COX7A1: variants seen among roughly 807,000 people sequenced by gnomAD.
COX7A1 encodes the protein cytochrome c oxidase subunit 7A1.
A neutral mutation model predicts 13.2 loss-of-function variants in COX7A1; 21 were observed. The ratio of observed to expected loss-of-function variants is 1.59; its 90% confidence interval spans 1.13 to 2.29. The LOEUF is 2.29. COX7A1 is among the 30% of genes most tolerant of loss of function. The pLI is 0.00. For missense variants in COX7A1, 107 were observed against 100.0 expected (o/e 1.07, Z -0.30); for synonymous variants, 41 against 41.9 (o/e 0.98, Z 0.08).
chr19:36,152,239 G>A (rs1974784775), intron 1 of COX7A1, among the ~76,000 whole-genome samples, 154 bp downstream of exon 1: 1 of 152,168 alleles, frequency 6.6e-6, no homozygotes, highest in South Asian at 2.1e-4. Context: ...AGAGTGGATT[G>A]TGGGGGAAGG....
chr19:36,151,645 T>TCCCCCCCGGCCCCCCCC, intron 2 of COX7A1, 24 bp downstream of exon 2: 1 of 1,387,630 alleles, frequency 7.2e-7, no homozygotes, highest in Non-Finnish European at 9.9e-7. Flanking sequence ...GCGCGTCGGA[T>TCCCCCCCGGCCCCCCCC]CCCCACCCCC....
At chr19:36,152,359 TG>T in intron 1 of COX7A1, 33 bp downstream of exon 1, 6 of 1,270,870 alleles carry the variant, frequency 4.7e-6, no homozygotes, top group Non-Finnish European at 6.0e-6. Flanking sequence ...GTTTTCTGGG[TG>T]GGGGGCTCCG....
At chr19:36,151,804 C>T (rs1974777490) in intron 1 of COX7A1, 49 bp from the exon 2 acceptor site, 1 of 1,482,426 alleles carries the variant, frequency 6.7e-7, no homozygotes, top group African/African-American at 1.4e-5. Context: ...GAGGGGTGTC[C>T]TGAAGTGGGA....
chr19:36,152,267 G>A (rs1373918205), intron 1 of COX7A1, 126 bp downstream of exon 1: 2 of 641,918 alleles, frequency 3.1e-6, no homozygotes, highest in Non-Finnish European at 4.8e-6. Context: ...GCTGTTTAGC[G>A]GGGAGTCCCA....
intron 2 of COX7A1, 24 bp downstream of exon 2, chr19:36,151,645 T>TCGCC: frequency 4.3e-6 from 6 of 1,387,624 alleles, no homozygotes; most frequent in Non-Finnish European, 5.9e-6. Context: ...GCGCGTCGGA[T>TCGCC]CCCCACCCCC....
chr19:36,151,066 G>C (rs949807693), intron 3 of COX7A1, 32 bp from the exon 4 acceptor site: 1 of 1,605,080 alleles, frequency 6.2e-7, no homozygotes, highest in African/African-American at 1.3e-5. Flanking sequence ...GACAGAATGA[G>C]ACCTAATCCC....
intron 3 of COX7A1, among the ~76,000 whole-genome samples, 189 bp downstream of exon 3, chr19:36,151,273 G>A (rs1421955652): frequency 1.3e-5 from 2 of 151,766 alleles, no homozygotes; most frequent in South Asian, 2.1e-4. Context: ...CCCAGCCCCC[G>A]TCCTGGGACA....
At chr19:36,151,340 G>T (rs1196091924) in intron 3 of COX7A1, 122 bp downstream of exon 3, 78 of 1,031,908 alleles carry the variant, frequency 7.6e-5, no homozygotes, top group Non-Finnish European at 1.1e-4. Context: ...CTCAGTACTC[G>T]ACCCCCTTCC....
chr19:36,152,299 T>C, intron 1 of COX7A1, 94 bp downstream of exon 1: 1 of 956,238 alleles, frequency 1.0e-6, no homozygotes, highest in Non-Finnish European at 1.4e-6. Flanking sequence ...TGGCTCACGT[T>C]CCAAGGCCCT....
chr19:36,151,828 G>C, intron 1 of COX7A1, 73 bp from the exon 2 acceptor site: 1 of 1,311,990 alleles, frequency 7.6e-7, no homozygotes, highest in Non-Finnish European at 1.1e-6. Flanking sequence ...CGCTCTCTGA[G>C]GCCTGGACGT....
rs2285599 is a variant in COX7A1 at position 36,151,660 on chromosome 19, A to T, written c.102+9T>A. On this transcript the variant is annotated intron_variant, in intron 2 of 3. Transcript: ENST00000292907. ...GCGCGTCGGATCCCCACCCCCCCCG[A>T]CCCCCCACCTGGAAGAGCTTCTGTT... 2.5e-6 allele frequency: 3 copies of T among 1,203,896 alleles called. No individual in the cohort carries two copies. Among genetic ancestry groups the T allele is most frequent in the East Asian group, 3.1e-5 (1 of 32,196 alleles). 74.6% of individuals were successfully genotyped at this position (1,203,896 alleles called of 1,614,324 possible).
In COX7A1 at chr19:36,151,003, C is replaced by T; in HGVS notation, c.219G>A (p.Trp73Ter). 1 of 1,613,970 alleles carries T rather than the reference C, an allele frequency of 6.2e-7. No homozygotes were observed. Among genetic ancestry groups the T allele is most frequent in the Non-Finnish European group, 8.5e-7 (1 of 1,179,946 alleles). The change falls in exon 4 of 4, where the codon TGG becomes TGA. Residue 73 changes from tryptophan to a stop codon, truncating the protein, a stop_gained. Transcript: ENST00000292907. LOFTEE classifies it high-confidence loss of function. ...GGTCTTAATTCCTGGGGAAGGAGGCCCAGCCAAGGGAGTACAAGCTGTAGA... is the reference window on the plus strand; with the variant it reads ...GGTCTTAATTCCTGGGGAAGGAGGCTCAGCCAAGGGAGTACAAGCTGTAGA... The part of the protein sequence containing the change: ...GTVYSLYSLG[W>*]ASFPRN
Position 36,152,443 on chromosome 19 carries a change from TCTC to T in COX7A1, c.-39_-37del. The T allele has an allele frequency of 7.5e-7, 1 of 1,329,000 alleles. No homozygotes were observed. Among genetic ancestry groups the T allele is most frequent in the South Asian group, 2.3e-5 (1 of 42,592 alleles). The allele number at this position is 1,329,000 out of a possible 1,614,324, so 82.3% of individuals were successfully genotyped here. A position where few individuals can be genotyped will look rare whatever the true frequency, so the allele number is the denominator to read the frequency against. ...CCTCTTCCGCCGGAGTCACCTCCCT[TCTC>T]CGCCCAAGGACACGCGTAGTCCTCC... is the stretch of plus-strand genomic sequence containing the variant. On this transcript the variant is annotated 5_prime_UTR_variant, in exon 1 of 4. Coordinates refer to ENST00000292907, the MANE Select transcript of COX7A1 (RefSeq NM_001864.4).
At chr19:36,151,637 G>C in intron 2 of COX7A1, 32 bp downstream of exon 2, 1 of 1,599,422 alleles carries the variant, frequency 6.3e-7, no homozygotes, top group Non-Finnish European at 8.5e-7. Flanking sequence ...CCCGGCTGGC[G>C]CGTCGGATCC....
At position 36,151,697 on chromosome 19, in the gene COX7A1, C is replaced by T. The variant is rs771394071; in HGVS notation, c.74G>A (p.Arg25Gln). 4 of 1,601,480 alleles carry T rather than the reference C, an allele frequency of 2.5e-6. No individual in the cohort carries two copies. Among genetic ancestry groups the T allele is most frequent in the African/African-American group, 2.7e-5 (2 of 74,356 alleles). The change falls in exon 2 of 4, where the codon CGA becomes CAA. Residue 25 changes from arginine to glutamine, a missense_variant. Physicochemically the swap from Arg to Gln is conservative, Grantham distance 43. Coordinates refer to ENST00000292907, the MANE Select transcript of COX7A1 (RefSeq NM_001864.4). ...SSTARNRFQNRVREKQKLFQE... is the reference protein window; with the variant it reads ...SSTARNRFQNQVREKQKLFQE... The stretch of plus-strand genomic sequence containing the variant: ...GAAGAGCTTCTGTTTCTCGCGCACT[C>T]GGTTCTGAAAGCGGTTCCGGGCGGT...
chr19:36,151,856 T>A (rs1266247617), intron 1 of COX7A1, 101 bp from the exon 2 acceptor site: 5 of 1,055,992 alleles, frequency 4.7e-6, no homozygotes, highest in Non-Finnish European at 7.2e-6. Flanking sequence ...GCCCCATCCC[T>A]AGCGAGCGTC....
Position 36,151,650 on chromosome 19 carries a change from A to AACCC in COX7A1, c.102+18_102+19insGGGT. On this transcript the variant is annotated intron_variant, in intron 2 of 3. Coordinates refer to ENST00000292907, the MANE Select transcript of COX7A1 (RefSeq NM_001864.4). Reference sequence around the variant, plus strand: ...CTCCCGGCTGGCGCGTCGGATCCCCACCCCCCCCGACCCCCCACCTGGAAG... The same window carrying AACCC: ...CTCCCGGCTGGCGCGTCGGATCCCCAACCCCCCCCCCCGACCCCCCACCTGGAAG... 3 of 1,078,292 alleles carry AACCC rather than the reference A, an allele frequency of 2.8e-6. No individual in the cohort carries two copies. Among genetic ancestry groups the AACCC allele is most frequent in the Admixed American group, 2.6e-5 (1 of 37,774 alleles). The allele number at this position is 1,078,292 out of a possible 1,614,324, so 66.8% of individuals were successfully genotyped here.
Position 36,151,649 on chromosome 19 carries a change from CACCCCCCCCGA to C in COX7A1, c.102+9_102+19del. 5 of 1,398,554 alleles carry C rather than the reference CACCCCCCCCGA, an allele frequency of 3.6e-6. No individual in the cohort carries two copies. The highest frequency in any genetic ancestry group is 4.9e-6 in the Non-Finnish European group (5 of 1,029,278). The allele number at this position is 1,398,554 out of a possible 1,614,324, so 86.6% of individuals were successfully genotyped here. A position where few individuals can be genotyped will look rare whatever the true frequency, so the allele number is the denominator to read the frequency against. ...GCTCCCGGCTGGCGCGTCGGATCCCCACCCCCCCCGACCCCCCACCTGGAAGAGCTTCTGTT... is the reference window on the plus strand; with the variant it reads ...GCTCCCGGCTGGCGCGTCGGATCCCCCCCCCCACCTGGAAGAGCTTCTGTT... On this transcript the variant is annotated intron_variant, in intron 2 of 3. Transcript: ENST00000292907.
At chr19:36,152,172 A>C in intron 1 of COX7A1, 1 of 528,238 alleles carries the variant, frequency 1.9e-6, no homozygotes, top group Non-Finnish European at 3.4e-6. Flanking sequence ...GGTTCCCGAG[A>C]TGTCAAGTTC....
Sources: gnomAD v4.1 joint callset for allele counts (sites outside exome capture counted in the v4.1 genomes callset) on GRCh38, gnomAD v4.1.1 for gene constraint, MANE v1.5 for transcripts, NCBI Gene and HGNC (gene_info 2026-07-23, HGNC 2026-07-21) for gene names.